SV2B: variants seen among roughly 807,000 people sequenced by gnomAD.
SV2B encodes the protein solute carrier family 22 member B2.
Under a neutral mutation model 73.9 loss-of-function variants are expected in SV2B, and 41 were observed. The observed-to-expected ratio is 0.56, with a 90% confidence interval of 0.43 to 0.72. The LOEUF is 0.72. Among genes scored for constraint, SV2B ranks in the 30% least tolerant of loss-of-function variants. The pLI, the probability that SV2B is intolerant of heterozygous loss-of-function variation, is 0.00. For synonymous variants in SV2B, 314 were observed against 314.2 expected (o/e 1.00, Z 0.01); for missense variants, 764 against 857.8 (o/e 0.89, Z 1.37).
chr15:91,184,571 C>G (rs2044703324), intron 1 of SV2B, among the ~76,000 whole-genome samples: 1 of 152,218 alleles, frequency 6.6e-6, no homozygotes, highest in Admixed American at 6.5e-5. Context: ...CGACTCATCA[C>G]TGTGGTACCT....
intron 1 of SV2B, among the ~76,000 whole-genome samples, chr15:91,199,840 G>A (rs2045396999): frequency 6.6e-6 from 1 of 152,178 alleles, no homozygotes; most frequent in African/African-American, 2.4e-5. Flanking sequence ...TGATGAGGCA[G>A]CAAACATACC....
chr15:91,291,248 G>A (rs1406072378), intron 12 of SV2B, among the ~76,000 whole-genome samples: 1 of 150,684 alleles, frequency 6.6e-6, no homozygotes, highest in Non-Finnish European at 1.5e-5. Flanking sequence ...TCCCCTCTGG[G>A]AACTTGAAAA....
rs537471230 is a variant in SV2B at position 91,198,933 on chromosome 15, C to T, written c.-391-26940C>T. On this transcript the variant is annotated intron_variant, in intron 1 of 12. Coordinates refer to ENST00000394232, the MANE Select transcript of SV2B (RefSeq NM_001323032.3). ...TCTCCTGTGTGTGGTTTTGCATGCA[C>T]ATTTGAAATTCGAAACAGCATATTC... Among the ~76,000 whole-genome samples the T allele has an allele frequency of 2.6e-5, 4 of 152,294 alleles. No individual in the cohort carries two copies. The South Asian group carries it at 8.3e-4, about 32-fold the overall frequency.
chr15:91,263,291 G>C (rs1180032474), intron 6 of SV2B, among the ~76,000 whole-genome samples: 1 of 150,300 alleles, frequency 6.7e-6, no homozygotes. Context: ...CATGAACACA[G>C]ACACACAGAC....
intron 1 of SV2B, among the ~76,000 whole-genome samples, chr15:91,149,529 A>G (rs957404049): frequency 6.6e-6 from 1 of 152,206 alleles, no homozygotes; most frequent in Admixed American, 6.5e-5. Context: ...AAGAATGAGG[A>G]TCTTGTGAGG....
At chr15:91,260,488 C>T in intron 6 of SV2B, 79 bp downstream of exon 6, 1 of 1,128,516 alleles carries the variant, frequency 8.9e-7, no homozygotes, top group Non-Finnish European at 1.2e-6. Context: ...AATTTAAGCA[C>T]ATAACAGGAA....
At position 91,276,717 on chromosome 15, in the gene SV2B, C is replaced by T. The variant is rs969131500; in HGVS notation, c.1374-5011C>T. On this transcript the variant is annotated intron_variant, in intron 9 of 12. Coordinates refer to ENST00000394232, the MANE Select transcript of SV2B (RefSeq NM_001323032.3). ...TTTCTCAACTGCTCATGCGTGTTAA[C>T]CATTTTTTCCTTTAAGGCTTTAATA... is the stretch of plus-strand genomic sequence containing the variant. Among the ~76,000 whole-genome samples the T allele has an allele frequency of 2.6e-5, 4 of 151,486 alleles. No homozygotes were observed. In the South Asian group the frequency reaches 8.3e-4, roughly 31 times the overall value.
intron 1 of SV2B, among the ~76,000 whole-genome samples, chr15:91,150,224 C>T (rs1454505851): frequency 6.6e-6 from 1 of 152,124 alleles, no homozygotes; most frequent in Non-Finnish European, 1.5e-5. Flanking sequence ...CCAGGCTGGT[C>T]TCGAACTCCT....
Position 91,236,601 on chromosome 15 carries a change from A to G in SV2B, c.451+9887A>G, listed in dbSNP as rs1031380068. On this transcript the variant is annotated intron_variant, in intron 2 of 12. Transcript: ENST00000394232. The surrounding 1 kb of genome is among the most constrained non-coding windows in gnomAD (Gnocchi z 4.1). Reference sequence around the variant, plus strand: ...GTGGCCCAATGAAGAGGGTTTAGAGATGGATCTTTTATAGAATCATAAAGG... The same window carrying G: ...GTGGCCCAATGAAGAGGGTTTAGAGGTGGATCTTTTATAGAATCATAAAGG... Among the ~76,000 whole-genome samples, 2 of 152,204 alleles carry G rather than the reference A, an allele frequency of 1.3e-5. No individual in the cohort carries two copies. Among genetic ancestry groups the G allele is most frequent in the Admixed American group, 6.5e-5 (1 of 15,276 alleles).
chr15:91,150,879 T>A (rs918442653), intron 1 of SV2B, among the ~76,000 whole-genome samples: 1 of 152,198 alleles, frequency 6.6e-6, no homozygotes, highest in Non-Finnish European at 1.5e-5. Flanking sequence ...GATGGCTCCA[T>A]GGGGAAGGAG....
chr15:91,194,840 T>C (rs377488504), intron 1 of SV2B, among the ~76,000 whole-genome samples: 12 of 152,176 alleles, frequency 7.9e-5, no homozygotes, highest in African/African-American at 2.4e-4. Context: ...AATTCAAGTG[T>C]GGCAGTGTGG....
At chr15:91,259,142 C>G (rs1379848998) in intron 5 of SV2B, among the ~76,000 whole-genome samples, 1 of 151,270 alleles carries the variant, frequency 6.6e-6, no homozygotes, top group Non-Finnish European at 1.5e-5. Context: ...AAAGGAAGCT[C>G]TTTAGAGCTG....
At chr15:91,127,876 G>A (rs2042532053) in intron 1 of SV2B, among the ~76,000 whole-genome samples, 1 of 152,154 alleles carries the variant, frequency 6.6e-6, no homozygotes, top group Non-Finnish European at 1.5e-5. Context: ...TGCAGATTCA[G>A]GAGTAGTTCT....
At chr15:91,250,321 G>A (rs547133412) in intron 2 of SV2B, among the ~76,000 whole-genome samples, 4 of 151,642 alleles carry the variant, frequency 2.6e-5, no homozygotes, top group South Asian at 4.2e-4. Context: ...GCATCCTTTC[G>A]TGATAAAAAT....
At position 91,106,298 on chromosome 15, in the gene SV2B, G is replaced by A. The variant is rs762631735; in HGVS notation, c.-392+5935G>A. 6.6e-6 allele frequency among the ~76,000 whole-genome samples: 1 copy of A among 152,196 alleles called. No individual in the cohort carries two copies. Among genetic ancestry groups the A allele is most frequent in the Non-Finnish European group, 1.5e-5 (1 of 68,028 alleles). On this transcript the variant is annotated intron_variant, in intron 1 of 12. Coordinates refer to ENST00000394232, the MANE Select transcript of SV2B (RefSeq NM_001323032.3). This position sits in a 1 kb window ranked among gnomAD's most constrained non-coding sequence, Gnocchi z 4.4. ...GTCTAGAGTTCAGGGAAGAGTTTCA[G>A]GAAGGAGACATAGGTTTGAGTATCA...
intron 1 of SV2B, among the ~76,000 whole-genome samples, chr15:91,177,190 T>G (rs2044345399): frequency 6.6e-6 from 1 of 152,088 alleles, no homozygotes; most frequent in South Asian, 2.1e-4. Flanking sequence ...TTGTCAAAGA[T>G]CAGATAGTTG....
chr15:91,287,524 G>C (rs566293616), intron 11 of SV2B, among the ~76,000 whole-genome samples: 1 of 152,140 alleles, frequency 6.6e-6, no homozygotes, highest in South Asian at 2.1e-4. Flanking sequence ...AAGGTCCTCC[G>C]GGCTGAACTT....
rs184385571 is a variant in SV2B, at chr15:91,236,220, C to T, written c.451+9506C>T. On this transcript the variant is annotated intron_variant, in intron 2 of 12. Coordinates refer to ENST00000394232, the MANE Select transcript of SV2B (RefSeq NM_001323032.3). The surrounding 1 kb of genome is among the most constrained non-coding windows in gnomAD (Gnocchi z 4.1). Reference sequence around the variant, plus strand: ...GTTGTTTTTCCTCCACAGTTAAGTGCACCCTTCTGGAAGACCTGGTAAATG... The same window carrying T: ...GTTGTTTTTCCTCCACAGTTAAGTGTACCCTTCTGGAAGACCTGGTAAATG... Among the ~76,000 whole-genome samples the T allele has an allele frequency of 2.4e-4, 36 of 152,320 alleles. No individual in the cohort carries two copies. In the East Asian group the frequency reaches 5.0e-3, roughly 21 times the overall value.
In SV2B at chr15:91,266,607, A is replaced by T; in HGVS notation, c.1034A>T (p.Gln345Leu). The change falls in exon 7 of 13, where the codon CAA becomes CTA. Residue 345 changes from glutamine (Q) to leucine (L), a missense_variant. Gln to Leu is a moderately radical substitution (Grantham distance 113). Coordinates refer to ENST00000394232, the MANE Select transcript of SV2B (RefSeq NM_001323032.3). ...FTVSNIKTPKQMDEFIEIQSS... is the reference protein window; with the variant it reads ...FTVSNIKTPKLMDEFIEIQSS... Reference sequence around the variant, plus strand: ...GTTTCCAACATCAAAACTCCCAAGCAAATGGATGAATTCATTGAGATCCAA... The same window carrying T: ...GTTTCCAACATCAAAACTCCCAAGCTAATGGATGAATTCATTGAGATCCAA... The T allele has an allele frequency of 6.2e-7, 1 of 1,614,196 alleles. No homozygotes were observed. The highest frequency in any genetic ancestry group is 8.5e-7 in the Non-Finnish European group (1 of 1,180,026).
Sources: allele counts gnomAD v4.1 joint callset (sites outside exome capture counted in the v4.1 genomes callset), GRCh38; gene constraint gnomAD v4.1.1; non-coding constraint Gnocchi (gnomAD v3.1); transcripts MANE v1.5; gene names NCBI Gene and HGNC (gene_info 2026-07-23, HGNC 2026-07-21).